The following PADI4 variants were observed in gnomAD, a reference collection of about 807,000 sequenced individuals.
PADI4 encodes protein-arginine deiminase type-4.
PADI4 carries 62 observed loss-of-function variants against 75.0 expected under a neutral mutation model. The ratio of observed to expected loss-of-function variants is 0.83; its 90% CI spans 0.67 to 1.02. The LOEUF (loss-of-function observed/expected upper bound fraction) is 1.02, where lower values mean the gene tolerates loss of function less well. Ranked by LOEUF, PADI4 falls within the 50% of genes least tolerant of loss-of-function variation. The probability of loss-of-function intolerance (pLI) is 0.00; values close to 1 mark genes in which losing one functional copy is unlikely to be tolerated. For synonymous variants in PADI4, 361 were observed against 348.1 expected, an observed-to-expected ratio of 1.04 and a Z score of -0.41; for missense variants, 845 against 850.5, an observed-to-expected ratio of 0.99 and a Z score of 0.08.
intron 10 of PADI4, among the ~76,000 whole-genome samples, chr1:17,349,038 T>TC (rs1039180274): frequency 1.3e-5 from 2 of 152,172 alleles, no homozygotes; most frequent in Non-Finnish European, 2.9e-5. Flanking sequence ...CAACAACTTG[T>TC]CCCGAGTCTC....
At chr1:17,341,791 TC>T in intron 6 of PADI4, 151 bp from the exon 7 acceptor site, 1 of 616,674 alleles carries the variant, frequency 1.6e-6, no homozygotes, top group Non-Finnish European at 2.9e-6. Context: ...AGTCCTTTTC[TC>T]CTAAGGGGAC....
chr1:17,324,429 C>T (rs1436977800), intron 1 of PADI4, among the ~76,000 whole-genome samples: 1 of 151,970 alleles, frequency 6.6e-6, no homozygotes, highest in Admixed American at 6.6e-5. Flanking sequence ...TTACATTGTG[C>T]TTGTCTTTTT....
chr1:17,321,909 T>G (rs1158520452), intron 1 of PADI4, among the ~76,000 whole-genome samples: 3 of 152,234 alleles, frequency 2.0e-5, no homozygotes, highest in Admixed American at 2.0e-4. Flanking sequence ...GAAGAAATTT[T>G]TTTAATGTGT....
At chr1:17,316,285 T>C (rs1192025718) in intron 1 of PADI4, among the ~76,000 whole-genome samples, 2 of 151,586 alleles carry the variant, frequency 1.3e-5, no homozygotes, top group Non-Finnish European at 2.9e-5. Context: ...TCTCAGCTAC[T>C]AAGGAGGCTG....
intron 1 of PADI4, among the ~76,000 whole-genome samples, chr1:17,313,253 A>C (rs1462250957): frequency 6.6e-6 from 1 of 151,886 alleles, no homozygotes; most frequent in Non-Finnish European, 1.5e-5. Flanking sequence ...TAATCCCAAC[A>C]CTTTGGGAGG....
At chr1:17,352,167 A>AGGCAGTAGGAGAGGCAATCAGG (rs2074668177) in intron 10 of PADI4, among the ~76,000 whole-genome samples, 3 of 74,976 alleles carry the variant, frequency 4.0e-5, no homozygotes, top group African/African-American at 1.7e-4. Flanking sequence ...GGAGGTGATG[A>AGGCAGTAGGAGAGGCAATCAGG]GAGGTGGTAG....
At chr1:17,316,463 G>GTC (rs2100660282) in intron 1 of PADI4, among the ~76,000 whole-genome samples, 1 of 151,688 alleles carries the variant, frequency 6.6e-6, no homozygotes, top group South Asian at 2.1e-4. Context: ...GCTGAGGTGG[G>GTC]CAGATCACGA....
Position 17,342,493 on chromosome 1 carries a change from AC to A in PADI4, c.935+95del, listed in dbSNP as rs150691429. On this transcript the variant is annotated intron_variant, in intron 8 of 15. Coordinates refer to ENST00000375448, the MANE Select transcript of PADI4 (RefSeq NM_012387.3). ...TCACTGTGTGATGGGAAAAACAGTC[AC>A]CCCTCCCCTGCCCACTGAGAGCTTG... The A allele has an allele frequency of 2.5e-3, 1,868 of 744,178 alleles. 33 individuals are homozygous for A. The African/African-American group carries it at 0.029, about 12-fold the overall frequency. 46.1% of individuals were successfully genotyped at this position (744,178 alleles called of 1,614,324 possible).
chr1:17,309,408 A>G (rs956387027), intron 1 of PADI4, among the ~76,000 whole-genome samples: 7 of 152,036 alleles, frequency 4.6e-5, no homozygotes, highest in African/African-American at 1.7e-4. Context: ...TCTTGCCTCT[A>G]TAATATGCTT....
chr1:17,334,041 C>T (rs922385748), intron 3 of PADI4, 32 bp downstream of exon 3: 2 of 1,388,706 alleles, frequency 1.4e-6, no homozygotes, highest in Non-Finnish European at 2.1e-6. Context: ...AGAGTGCCGT[C>T]TCATCCCCTG....
chr1:17,341,104 T>C (rs1257807442), intron 6 of PADI4, among the ~76,000 whole-genome samples: 1 of 148,264 alleles, frequency 6.7e-6, no homozygotes, highest in Non-Finnish European at 1.5e-5. Flanking sequence ...TCTGTTTCTT[T>C]TTTTTTTTTT....
chr1:17,320,456 A>T (rs978128075), intron 1 of PADI4, among the ~76,000 whole-genome samples: 2 of 152,210 alleles, frequency 1.3e-5, no homozygotes, highest in African/African-American at 4.8e-5. Context: ...GCCCATTTTT[A>T]TGGTTATTTC....
chr1:17,316,155 A>C (rs906420529), intron 1 of PADI4, among the ~76,000 whole-genome samples: 1 of 152,012 alleles, frequency 6.6e-6, no homozygotes, highest in Non-Finnish European at 1.5e-5. Flanking sequence ...ACACTTTGGG[A>C]GGCCAAGGTG....
chr1:17,352,982 G>A lies in PADI4; in HGVS notation c.1156-1551G>A, dbSNP rs147822982. Reference sequence around the variant, plus strand: ...TGAAAGCCAAGTGCAGAAAGTGTGCGGAGAACACAGGTGTGACCGCCTGAT... The same window carrying A: ...TGAAAGCCAAGTGCAGAAAGTGTGCAGAGAACACAGGTGTGACCGCCTGAT... On this transcript the variant is annotated intron_variant, in intron 10 of 15. Coordinates refer to ENST00000375448, the MANE Select transcript of PADI4 (RefSeq NM_012387.3). 6.8e-4 allele frequency among the ~76,000 whole-genome samples: 103 copies of A among 152,298 alleles called. 1 individual carries two copies. The highest frequency in any genetic ancestry group is 2.0e-3 in the African/African-American group (83 of 41,558).
intron 10 of PADI4, among the ~76,000 whole-genome samples, chr1:17,354,176 G>A (rs377721767): frequency 3.9e-5 from 6 of 152,210 alleles, no homozygotes; most frequent in South Asian, 2.1e-4. Flanking sequence ...AACCAGGGGC[G>A]GAGGTTGCAG....
intron 2 of PADI4, among the ~76,000 whole-genome samples, chr1:17,332,148 C>T (rs1433714775): frequency 6.6e-6 from 1 of 152,130 alleles, no homozygotes; most frequent in Non-Finnish European, 1.5e-5. Context: ...TGCCTCTGCC[C>T]CTTCTCTGTG....
Position 17,330,959 on chromosome 1 carries a change from T to C in PADI4, c.93-10T>C. 6.5e-7 allele frequency: 1 copy of C among 1,534,684 alleles called. No homozygotes were observed. On this transcript the variant is annotated splice_polypyrimidine_tract_variant and intron_variant, in intron 1 of 15. Transcript: ENST00000375448. ...TGCATCCTCTGCTTTCCCATGTGTC[T>C]TGTCCACAGCTCTGCCCCTGAGGAC...
In PADI4 at chr1:17,324,292, C is replaced by A. The variant is rs79155598; in HGVS notation, c.93-6677C>A. Among the ~76,000 whole-genome samples, 9 of 151,796 alleles carry A rather than the reference C, an allele frequency of 5.9e-5. No homozygotes were observed. In the East Asian group the frequency reaches 1.7e-3, roughly 29 times the overall value. On this transcript the variant is annotated intron_variant, in intron 1 of 15. Coordinates refer to ENST00000375448, the MANE Select transcript of PADI4 (RefSeq NM_012387.3). ...AAACCCTATTTCTTTATGGTGTTAA[C>A]CTTTTCATTCTCTTACTTGTTAGTA... is the stretch of plus-strand genomic sequence containing the variant.
chr1:17,354,511 G>T, intron 10 of PADI4, 22 bp from the exon 11 acceptor site: 1 of 1,613,340 alleles, frequency 6.2e-7, no homozygotes, highest in Non-Finnish European at 8.5e-7. Flanking sequence ...CTAACTCTTG[G>T]CACTCCCTTC....
Sources: gnomAD v4.1 joint callset for allele counts (sites outside exome capture counted in the v4.1 genomes callset) on GRCh38, gnomAD v4.1.1 for gene constraint, MANE v1.5 for transcripts, NCBI Gene and HGNC (gene_info 2026-07-23, HGNC 2026-07-21) for gene names.